CCDC110: variants seen among roughly 807,000 people sequenced by gnomAD.
CCDC110 encodes the protein coiled-coil domain-containing protein 110.
Under a neutral mutation model 77.1 loss-of-function variants are expected in CCDC110, and 70 were observed. The observed-to-expected ratio is 0.91, with a 90% CI of 0.75 to 1.11. CCDC110 has a LOEUF of 1.11. Ranked by LOEUF, CCDC110 falls within the 50% of genes least tolerant of loss-of-function variation. The pLI is 0.00. For synonymous variants in CCDC110, 295 were observed against 312.5 expected (o/e 0.94, Z 0.59); for missense variants, 868 against 942.9 (o/e 0.92, Z 1.04).
chr4:185,445,265 C>T lies in CCDC110; in HGVS notation c.*237G>A. 1.2e-6 allele frequency: 1 copy of T among 813,190 alleles called. No individual in the cohort carries two copies. The highest frequency in any genetic ancestry group is 1.9e-6 in the Non-Finnish European group (1 of 525,350). 50.4% of individuals were successfully genotyped at this position (813,190 alleles called of 1,614,324 possible). A position where few individuals can be genotyped will look rare whatever the true frequency, so the allele number is the denominator to read the frequency against. The stretch of plus-strand genomic sequence containing the variant: ...GTGGGTGACTTTAGACATCTCAGCT[C>T]CTTCCATGTACAGGTACCTGCCCTC... On this transcript the variant is annotated 3_prime_UTR_variant, in exon 7 of 7. Transcript: ENST00000307588.
At chr4:185,470,073 T>C (rs2095663157) in intron 2 of CCDC110, among the ~76,000 whole-genome samples, 1 of 152,238 alleles carries the variant, frequency 6.6e-6, no homozygotes, top group African/African-American at 2.4e-5. Context: ...TTCCCCTAGC[T>C]GGGTACCCCC....
In CCDC110 at chr4:185,458,982, CT is replaced by C. The variant is rs758731760; in HGVS notation, c.1604del (p.Glu535GlyfsTer5). 1 of 1,604,952 alleles carries C rather than the reference CT, an allele frequency of 6.2e-7. No individual in the cohort carries two copies. Among genetic ancestry groups the C allele is most frequent in the East Asian group, 2.2e-5 (1 of 44,582 alleles). ...LEEKNIQLSL[E>X]KQQMMEALDQ... ...CTAATGCTTCCATCATTTGTTGCTT[CT>C]CTAAAGAAAGTTGTATATTTTTTTC... On this transcript the variant is annotated frameshift_variant, in exon 6 of 7. Transcript: ENST00000307588. LOFTEE classifies it high-confidence loss of function.
At position 185,471,671 on chromosome 4, in the gene CCDC110, T is replaced by C; in HGVS notation, c.10+3A>G. 6.4e-7 allele frequency: 1 copy of C among 1,557,926 alleles called. No individual in the cohort carries two copies. Among genetic ancestry groups the C allele is most frequent in the Non-Finnish European group, 8.6e-7 (1 of 1,156,342 alleles). ...TAGGAGCCCCGCCCCGTCCAACTCT[T>C]ACCCGGGCTCATCGCCGCGGCTCAT... On this transcript the variant is annotated splice_donor_region_variant and intron_variant, in intron 1 of 6. Transcript: ENST00000307588.
At position 185,459,519 on chromosome 4, in the gene CCDC110, T is replaced by C; in HGVS notation, c.1068A>G (p.Lys356=). ...CAGTGATGGGAATTTCTTTATTGTTTTTCTCATTTTTCTTTCCCCTGTGCA... is the reference window on the plus strand; with the variant it reads ...CAGTGATGGGAATTTCTTTATTGTTCTTCTCATTTTTCTTTCCCCTGTGCA... ...SEMHRGKKNE[K]NNKEIPITGK... is the part of the protein sequence containing the mutation. Residue 356 remains lysine (K), a synonymous_variant, in exon 6 of 7, where the codon AAA becomes AAG. Transcript: ENST00000307588. The C allele has an allele frequency of 6.2e-7, 1 of 1,613,196 alleles. No individual in the cohort carries two copies. Among genetic ancestry groups the C allele is most frequent in the Non-Finnish European group, 8.5e-7 (1 of 1,179,560 alleles).
intron 1 of CCDC110, 162 bp downstream of exon 1, chr4:185,471,512 C>A: frequency 1.4e-6 from 1 of 694,890 alleles, no homozygotes; most frequent in Admixed American, 3.3e-5. Flanking sequence ...GGGGCCGCAG[C>A]GGGTGCTCAG....
rs73873459 is a variant in CCDC110, at chr4:185,457,732, T to C, written c.2461+394A>G. 4 of 1,327,740 alleles carry C rather than the reference T, an allele frequency of 3.0e-6. No homozygotes were observed. In the African/African-American group the frequency reaches 4.6e-5, roughly 15 times the overall value. 82.2% of individuals were successfully genotyped at this position (1,327,740 alleles called of 1,614,324 possible). A position where few individuals can be genotyped will look rare whatever the true frequency, so the allele number is the denominator to read the frequency against. Reference sequence around the variant, plus strand: ...TTATTTTGTGGGGGGAAAAAGTACTTGGACAAAGGTTTTGAAACATTGATT... The same window carrying C: ...TTATTTTGTGGGGGGAAAAAGTACTCGGACAAAGGTTTTGAAACATTGATT... On this transcript the variant is annotated intron_variant, in intron 6 of 6. Transcript: ENST00000307588.
chr4:185,461,177 A>G lies in CCDC110; in HGVS notation c.238-18T>C. 2 of 1,294,900 alleles carry G rather than the reference A, an allele frequency of 1.5e-6. No homozygotes were observed. The highest frequency in any genetic ancestry group is 2.2e-6 in the Non-Finnish European group (2 of 913,990). 80.2% of individuals were successfully genotyped at this position (1,294,900 alleles called of 1,614,324 possible). The stretch of plus-strand genomic sequence containing the variant: ...GACTGTACCTTTAAAAGATAAATTG[A>G]GAAAAATTTGATTTCAGATTTGTAA... On this transcript the variant is annotated intron_variant, in intron 4 of 6. Transcript: ENST00000307588.
At chr4:185,449,764 C>T in intron 6 of CCDC110, 1 of 583,680 alleles carries the variant, frequency 1.7e-6, no homozygotes, top group Non-Finnish European at 2.9e-6. Context: ...AAAAGAAATT[C>T]TGCAACTCTA....
At position 185,458,175 on chromosome 4, in the gene CCDC110, G is replaced by A. The variant is rs191607254; in HGVS notation, c.2412C>T (p.His804=). 93 of 1,599,488 alleles carry A rather than the reference G, an allele frequency of 5.8e-5. 1 individual carries two copies. The East Asian group carries it at 1.3e-3, about 23-fold the overall frequency. The stretch of plus-strand genomic sequence containing the variant: ...TACTCTGAGGACTAGAAGTATCTTC[G>A]TGAGTATAGTTGTCAAAATGGAATT... ...REKFHFDNYT[H]EDTSSPQSRP... is the part of the protein sequence containing the mutation. The change falls in exon 6 of 7, where the codon CAC becomes CAT. Residue 804 remains histidine (H), a synonymous_variant. Transcript: ENST00000307588.
intron 2 of CCDC110, among the ~76,000 whole-genome samples, chr4:185,467,016 C>CT (rs939211815): frequency 2.0e-5 from 3 of 152,166 alleles, no homozygotes; most frequent in African/African-American, 7.2e-5. Flanking sequence ...AGTGCTTCTA[C>CT]TTTTTTCATA....
In CCDC110 at chr4:185,458,494, C is replaced by T. The variant is rs1464159960; in HGVS notation, c.2093G>A (p.Gly698Asp). ...TTTTGATAACATTTCACATTCCTTGCCAATTTCTGACAAGCTATTCTTATA... is the reference window on the plus strand; with the variant it reads ...TTTTGATAACATTTCACATTCCTTGTCAATTTCTGACAAGCTATTCTTATA... ...SIYKNSLSEIGKECEMLSKMV... is the reference protein window; with the variant it reads ...SIYKNSLSEIDKECEMLSKMV... The change falls in exon 6 of 7, where the codon GGC becomes GAC. Residue 698 changes from glycine to aspartate, a missense_variant. Physicochemically the swap from Gly to Asp is moderately conservative, Grantham distance 94 (BLOSUM62 -1). Coordinates refer to ENST00000307588, the MANE Select transcript of CCDC110 (RefSeq NM_152775.4). 3 of 1,604,148 alleles carry T rather than the reference C, an allele frequency of 1.9e-6. No homozygotes were observed. The African/African-American group carries it at 4.0e-5, about 22-fold the overall frequency.
At chr4:185,469,028 A>G (rs972204547) in intron 2 of CCDC110, among the ~76,000 whole-genome samples, 9 of 152,242 alleles carry the variant, frequency 5.9e-5, no homozygotes, top group Admixed American at 2.6e-4. Flanking sequence ...CACCCTGGAC[A>G]CCCTCAAATT....
At chr4:185,470,081 C>G (rs554214020) in intron 2 of CCDC110, among the ~76,000 whole-genome samples, 1 of 152,298 alleles carries the variant, frequency 6.6e-6, no homozygotes, top group South Asian at 2.1e-4. Context: ...GCTGGGTACC[C>G]CCATCTTATT....
chr4:185,462,173 C>T (rs1481389484), intron 4 of CCDC110, among the ~76,000 whole-genome samples: 1 of 152,170 alleles, frequency 6.6e-6, no homozygotes, highest in African/African-American at 2.4e-5. Flanking sequence ...GATCTTCTGC[C>T]ACCACAGGGA....
chr4:185,447,769 A>C (rs1335177448), intron 6 of CCDC110, among the ~76,000 whole-genome samples: 1 of 152,220 alleles, frequency 6.6e-6, no homozygotes, highest in Non-Finnish European at 1.5e-5. Flanking sequence ...TGTAAAATAA[A>C]ATAACCACCC....
In CCDC110 at chr4:185,445,501, C is replaced by A; in HGVS notation, c.*1G>T. The A allele has an allele frequency of 6.4e-7, 1 of 1,572,076 alleles. No individual in the cohort carries two copies. The highest frequency in any genetic ancestry group is 2.2e-5 in the East Asian group (1 of 44,502). On this transcript the variant is annotated 3_prime_UTR_variant, in exon 7 of 7. Transcript: ENST00000307588. Reference sequence around the variant, plus strand: ...GAGTTTCTTAGCAATCTTGAGGAATCCTAATGATGCTTGAGAGTTCTGTCT... The same window carrying A: ...GAGTTTCTTAGCAATCTTGAGGAATACTAATGATGCTTGAGAGTTCTGTCT...
intron 6 of CCDC110, among the ~76,000 whole-genome samples, chr4:185,454,922 C>T (rs2095634027): frequency 6.6e-6 from 1 of 151,996 alleles, no homozygotes; most frequent in Non-Finnish European, 1.5e-5. Flanking sequence ...ACCACCCCAC[C>T]CAGCTAATTT....
At chr4:185,461,553 T>C (rs2095646467) in intron 4 of CCDC110, among the ~76,000 whole-genome samples, 1 of 152,212 alleles carries the variant, frequency 6.6e-6, no homozygotes, top group Non-Finnish European at 1.5e-5. Context: ...ACACTGGGTC[T>C]TTAGTGAATA....
At chr4:185,460,838 C>T (rs1198173640) in intron 5 of CCDC110, 2 of 481,354 alleles carry the variant, frequency 4.2e-6, no homozygotes, top group Non-Finnish European at 7.9e-6. Context: ...GTCAAATGTC[C>T]CTCACAGACT....
Sources: gnomAD v4.1 joint callset for allele counts (sites outside exome capture counted in the v4.1 genomes callset) on GRCh38, gnomAD v4.1.1 for gene constraint, MANE v1.5 for transcripts, NCBI Gene and HGNC (gene_info 2026-07-23, HGNC 2026-07-21) for gene names.